Variants in PCDHA1 observed in about 807,000 individuals in gnomAD.
PCDHA1 encodes protocadherin alpha-1.
A neutral mutation model predicts 61.3 loss-of-function variants in PCDHA1; 42 were observed. The ratio of observed to expected loss-of-function variants is 0.69; its 90% confidence interval spans 0.54 to 0.89. The LOEUF (loss-of-function observed/expected upper bound fraction) is 0.89. Ranked by LOEUF, PCDHA1 falls within the 40% of genes least tolerant of loss-of-function variation. The pLI is 0.00. For missense variants in PCDHA1, 1,256 were observed against 1,235.3 expected (o/e 1.02, Z -0.25); for synonymous variants, 610 against 553.8 (o/e 1.10, Z -1.43).
chr5:140,982,615 A>G, intron 3 of PCDHA1, 52 bp downstream of exon 3: 1 of 1,596,392 alleles, frequency 6.3e-7, no homozygotes, highest in Non-Finnish European at 8.6e-7. Context: ...AAGTGATCAG[A>G]TGACCTACTT....
chr5:140,947,543 G>A (rs1013985097), intron 1 of PCDHA1, among the ~76,000 whole-genome samples: 1 of 151,548 alleles, frequency 6.6e-6, no homozygotes, highest in African/African-American at 2.4e-5. Context: ...TTTCTACAAA[G>A]AATTCCGCTG....
At chr5:140,961,548 TTC>T (rs1261051270) in intron 1 of PCDHA1, among the ~76,000 whole-genome samples, 4 of 152,230 alleles carry the variant, frequency 2.6e-5, no homozygotes, top group African/African-American at 9.6e-5. Context: ...CCTGCAGCAT[TTC>T]TTTTTTTAAA....
rs1554118257 is a variant in PCDHA1 at position 140,788,450 on chromosome 5, G to T, written c.2160G>T (p.Ala720=). The T allele has an allele frequency of 1.2e-6, 2 of 1,614,116 alleles. No homozygotes were observed. Among genetic ancestry groups the T allele is most frequent in the Non-Finnish European group, 1.7e-6 (2 of 1,179,992 alleles). ...TGCTCACACTGCTGCTGTACACGGC[G>T]CTGCGGTGCTCAGTGCCGCCCACTG... ...LLVLTLLLYT[A]LRCSVPPTEG... Residue 720 remains alanine (A), a synonymous_variant, in exon 1 of 4, where the codon GCG becomes GCT. Transcript: ENST00000504120.
At chr5:140,829,527 C>T (rs113031368) in intron 1 of PCDHA1, 1 of 1,613,148 alleles carries the variant, frequency 6.2e-7, no homozygotes, top group African/African-American at 1.3e-5. Flanking sequence ...ACGGTGTCTG[C>T]GCGAGACGCG....
intron 1 of PCDHA1, chr5:140,863,094 G>A (rs782437357): frequency 8.7e-6 from 5 of 576,444 alleles, no homozygotes; most frequent in African/African-American, 3.7e-5. Flanking sequence ...TCAGCACGAC[G>A]AGTACCCTGG....
chr5:140,824,239 G>A lies in PCDHA1; in HGVS notation c.2394+35555G>A, dbSNP rs2150133402. The A allele has an allele frequency of 4.7e-6, 7 of 1,502,088 alleles. No individual in the cohort carries two copies. The East Asian group carries it at 6.8e-5, about 14-fold the overall frequency. The allele number at this position is 1,502,088 out of a possible 1,614,324, so 93.0% of individuals were successfully genotyped here. On this transcript the variant is annotated intron_variant, in intron 1 of 3. Coordinates refer to ENST00000504120, the MANE Select transcript of PCDHA1 (RefSeq NM_018900.4). The stretch of plus-strand genomic sequence containing the variant: ...AATTATGTCTTAGTACACAAATATT[G>A]TGGTACACAATTATTGCACTAATTC...
intron 1 of PCDHA1, chr5:140,848,438 T>C: frequency 6.8e-7 from 1 of 1,477,490 alleles, no homozygotes; most frequent in Non-Finnish European, 9.2e-7. Flanking sequence ...CGAAATCAGA[T>C]GATTTCTTCT....
intron 3 of PCDHA1, among the ~76,000 whole-genome samples, chr5:140,990,514 T>C (rs1437267512): frequency 1.3e-5 from 2 of 152,204 alleles, no homozygotes; most frequent in Non-Finnish European, 1.5e-5. Context: ...TCTTCTCTCT[T>C]GTCTTTTTTG....
rs1292142612 is a variant in PCDHA1, at chr5:140,808,154, A to G, written c.2394+19470A>G. Reference sequence around the variant, plus strand: ...ATCCTATGAAATTATTGTAGAGGGCATTGATAAGGGACAGCTCCCACTTTC... The same window carrying G: ...ATCCTATGAAATTATTGTAGAGGGCGTTGATAAGGGACAGCTCCCACTTTC... On this transcript the variant is annotated intron_variant, in intron 1 of 3. Coordinates refer to ENST00000504120, the MANE Select transcript of PCDHA1 (RefSeq NM_018900.4). 9 of 1,614,102 alleles carry G rather than the reference A, an allele frequency of 5.6e-6. No individual in the cohort carries two copies. In the Admixed American group the frequency reaches 1.5e-4, roughly 27 times the overall value.
At chr5:140,834,416 CCGA>C in intron 1 of PCDHA1, 1 of 1,611,158 alleles carries the variant, frequency 6.2e-7, no homozygotes. Context: ...ACCCAGGGGG[CCGA>C]CATCTACTGC....
chr5:140,978,571 A>G (rs891123704), intron 1 of PCDHA1, among the ~76,000 whole-genome samples: 5 of 152,208 alleles, frequency 3.3e-5, no homozygotes, highest in African/African-American at 1.2e-4. Flanking sequence ...TGTAATACTG[A>G]ATTGGGAATG....
chr5:140,916,747 G>A (rs1445361224), intron 1 of PCDHA1, among the ~76,000 whole-genome samples: 1 of 152,220 alleles, frequency 6.6e-6, no homozygotes, highest in Non-Finnish European at 1.5e-5. Context: ...TTCACTGCCT[G>A]GGATTAGGGG....
chr5:140,836,416 C>T (rs2150260250), intron 1 of PCDHA1: 62 of 1,613,794 alleles, frequency 3.8e-5, no homozygotes, highest in Non-Finnish European at 5.0e-5. Context: ...GCACCAAAGG[C>T]GTCGTCGCGG....
chr5:140,980,614 G>T (rs2153822225), intron 2 of PCDHA1, among the ~76,000 whole-genome samples: 1 of 152,088 alleles, frequency 6.6e-6, no homozygotes, highest in Admixed American at 6.5e-5. Context: ...TGGCGACAGT[G>T]CGAGACTCTG....
At chr5:140,802,567 A>C (rs1415125623) in intron 1 of PCDHA1, 1 of 1,613,466 alleles carries the variant, frequency 6.2e-7, no homozygotes, top group East Asian at 2.2e-5. Context: ...GCATTCTCGC[A>C]GTCCGAGTAC....
intron 1 of PCDHA1, chr5:140,883,167 G>A (rs781855278): frequency 6.2e-7 from 1 of 1,613,864 alleles, no homozygotes; most frequent in East Asian, 2.2e-5. Context: ...CCGAACAATG[G>A]AGAAATTAGG....
chr5:140,929,381 G>GT (rs1554207059), intron 1 of PCDHA1: 2 of 1,510,858 alleles, frequency 1.3e-6, no homozygotes, highest in African/African-American at 1.4e-5. Flanking sequence ...TGCTAGCTGT[G>GT]TTTTGAAATA....
At chr5:140,965,314 T>C (rs563123453) in intron 1 of PCDHA1, among the ~76,000 whole-genome samples, 1 of 152,254 alleles carries the variant, frequency 6.6e-6, no homozygotes, top group East Asian at 1.9e-4. Flanking sequence ...TACCTTCTCT[T>C]TTACTGAAGT....
chr5:140,822,199 TTA>T (rs2150114512), intron 1 of PCDHA1: 6 of 1,614,136 alleles, frequency 3.7e-6, no homozygotes, highest in Non-Finnish European at 5.1e-6. Flanking sequence ...ATTATTCATT[TTA>T]GAGTCAAGAA....
Sources: allele counts gnomAD v4.1 joint callset (sites outside exome capture counted in the v4.1 genomes callset), GRCh38; gene constraint gnomAD v4.1.1; transcripts MANE v1.5; gene names NCBI Gene and HGNC (gene_info 2026-07-23, HGNC 2026-07-21).